The following DPP7 variants were observed in gnomAD, a reference collection of about 807,000 sequenced individuals.
DPP7 encodes dipeptidyl peptidase 7, also known as dipeptidyl peptidase 2.
In DPP7, 74 loss-of-function variants were observed where a neutral mutation model predicts 58.8. That is an observed-to-expected ratio of 1.26 (90% CI 1.04 to 1.53). The LOEUF is 1.53. DPP7 is among the 40% of genes most tolerant of loss of function. DPP7 has a pLI of 0.00. For missense variants in DPP7, 807 were observed against 692.3 expected (o/e 1.17, Z -1.86); for synonymous variants, 350 against 303.6 (o/e 1.15, Z -1.59).
Position 137,112,208 on chromosome 9 carries a change from G to T in DPP7, c.954C>A (p.Gly318=), listed in dbSNP as rs146181330. 1 of 1,602,420 alleles carries T rather than the reference G, an allele frequency of 6.2e-7. No homozygotes were observed. The change falls in exon 9 of 13, where the codon GGC becomes GGA. Residue 318 remains glycine (G), a synonymous_variant. Coordinates refer to ENST00000371579, the MANE Select transcript of DPP7 (RefSeq NM_013379.3). ...GGTAGATGTCGTAGCAGTGCTCGGA[G>T]CCCGAGGCGTTGTAGACCAGCCCTG... The part of the protein sequence containing the change: ...ALAGLVYNAS[G]SEHCYDIYRL...
At chr9:137,114,626 C>G in intron 1 of DPP7, 21 bp downstream of exon 1, 1 of 1,401,296 alleles carries the variant, frequency 7.1e-7, no homozygotes. Context: ...GGGGAATGGG[C>G]CGGGGGGCGC....
In DPP7 at chr9:137,114,216, C is replaced by CT. The variant is rs1451791215; in HGVS notation, c.321+26_321+27insA. On this transcript the variant is annotated intron_variant, in intron 3 of 12. Transcript: ENST00000371579. ...CCCGGCACCCACGTGCCCCGCGACC[C>CT]CGCCCGCGACCCCGCCCGGCACCCA... is the stretch of plus-strand genomic sequence containing the variant. 40 of 1,333,238 alleles carry CT rather than the reference C, an allele frequency of 3.0e-5. 2 individuals are homozygous for CT. In the African/African-American group the frequency reaches 6.1e-4, roughly 20 times the overall value. The allele number at this position is 1,333,238 out of a possible 1,614,324, so 82.6% of individuals were successfully genotyped here. A position where few individuals can be genotyped will look rare whatever the true frequency, so the allele number is the denominator to read the frequency against.
upstream of DPP7, among the ~76,000 whole-genome samples, chr9:137,117,648 A>G (rs1831663533): frequency 2.0e-5 from 3 of 152,060 alleles, no homozygotes; most frequent in African/African-American, 4.8e-5. Flanking sequence ...GCCACACATC[A>G]CGTCTGTGCT....
chr9:137,113,973 G>A lies in DPP7; in HGVS notation c.377C>T (p.Thr126Met). 1.9e-6 allele frequency: 3 copies of A among 1,582,232 alleles called. No homozygotes were observed. Among genetic ancestry groups the A allele is most frequent in the East Asian group, 2.3e-5 (1 of 43,466 alleles). ...GGCCTGCTCCACCGTCAGCAGCTCCGTGTGCCCGCGCTGCGTGGACTGCGC... is the reference window on the plus strand; with the variant it reads ...GGCCTGCTCCACCGTCAGCAGCTCCATGTGCCCGCGCTGCGTGGACTGCGC... The part of the protein sequence containing the change: ...FGAQSTQRGH[T>M]ELLTVEQALA... The change falls in exon 4 of 13, where the codon ACG becomes ATG. Residue 126 changes from threonine (T) to methionine (M), a missense_variant. By Grantham distance (81) the Thr-to-Met change is moderately conservative (BLOSUM62 -1). Coordinates refer to ENST00000371579, the MANE Select transcript of DPP7 (RefSeq NM_013379.3).
In DPP7 at chr9:137,112,162, C is replaced by T. The variant is rs746422207; in HGVS notation, c.1000G>A (p.Asp334Asn). The T allele has an allele frequency of 1.2e-6, 2 of 1,609,564 alleles. No individual in the cohort carries two copies. The highest frequency in any genetic ancestry group is 8.5e-7 in the Non-Finnish European group (1 of 1,179,704). The change falls in exon 9 of 13, where the codon GAC becomes AAC. Residue 334 changes from aspartate to asparagine, a missense_variant. By Grantham distance (23) the Asp-to-Asn change is conservative (BLOSUM62 1). This residue lies in a region of DPP7 where 624 missense variants were observed against 531.2 expected (regional missense o/e 1.17). Transcript: ENST00000371579. ...DIYRLYHSCA[D>N]PTGCGTGPDA... is the part of the protein sequence containing the mutation. The stretch of plus-strand genomic sequence containing the variant: ...GGGCCGGTGCCGCAGCCAGTGGGGT[C>T]AGCACAGCTGTGGTAGAGCCGGTAG...
chr9:137,116,628 C>T (rs544997473), upstream of DPP7, among the ~76,000 whole-genome samples: 5 of 152,170 alleles, frequency 3.3e-5, no homozygotes, highest in South Asian at 2.1e-4. Context: ...GATATGGCCT[C>T]GTGGGAAGGG....
In DPP7 at chr9:137,114,631, G is replaced by A. The variant is rs1227636661; in HGVS notation, c.67+16C>T. 5.0e-6 allele frequency: 7 copies of A among 1,400,174 alleles called. No homozygotes were observed. Among genetic ancestry groups the A allele is most frequent in the Non-Finnish European group, 5.6e-6 (6 of 1,077,642 alleles). 86.7% of individuals were successfully genotyped at this position (1,400,174 alleles called of 1,614,324 possible). A position where few individuals can be genotyped will look rare whatever the true frequency, so the allele number is the denominator to read the frequency against. On this transcript the variant is annotated intron_variant, in intron 1 of 12. Transcript: ENST00000371579. The stretch of plus-strand genomic sequence containing the variant: ...GGCCGGGACCGGGGAATGGGCCGGG[G>A]GGCGCCGCCACTCACCCCCCGCCTG...
Position 137,112,204 on chromosome 9 carries a change from C to G in DPP7, c.958G>C (p.Glu320Gln), listed in dbSNP as rs766273924. ...AGCCGGTAGATGTCGTAGCAGTGCT[C>G]GGAGCCCGAGGCGTTGTAGACCAGC... is the stretch of plus-strand genomic sequence containing the variant. ...AGLVYNASGS[E>Q]HCYDIYRLYH... The change falls in exon 9 of 13, where the codon GAG becomes CAG. Residue 320 changes from glutamate (E) to glutamine (Q), a missense_variant. Physicochemically the swap from Glu to Gln is conservative, Grantham distance 29. This residue lies in a region of DPP7 where 624 missense variants were observed against 531.2 expected (regional missense o/e 1.17). Transcript: ENST00000371579. 2.5e-6 allele frequency: 4 copies of G among 1,603,452 alleles called. No homozygotes were observed. The highest frequency in any genetic ancestry group is 2.2e-5 in the South Asian group (2 of 90,932).
chr9:137,114,298 G>C lies in DPP7; in HGVS notation c.266C>G (p.Ala89Gly), dbSNP rs10747049. Residue 89 changes from alanine (A) to glycine (G), a missense_variant, in exon 3 of 13, where the codon GCC becomes GGC. This residue lies in a region of DPP7 where 168 missense variants were observed against 124.1 expected (regional missense o/e 1.35). Coordinates refer to ENST00000371579, the MANE Select transcript of DPP7 (RefSeq NM_013379.3). ...GDVWAFANNS[A>G]FVAELAAERG... Reference sequence around the variant, plus strand: ...CTCGGCCGCCAGCTCCGCGACGAAGGCCGAGTTGTTGGCGAAGGCCCACAC... The same window carrying C: ...CTCGGCCGCCAGCTCCGCGACGAAGCCCGAGTTGTTGGCGAAGGCCCACAC... The C allele has an allele frequency of 0.69, 468,704 of 676,068 alleles. 178,849 individuals carry two copies. The highest frequency in any genetic ancestry group is 0.95 in the African/African-American group (47,532 of 49,984). 41.9% of individuals were successfully genotyped at this position (676,068 alleles called of 1,614,324 possible). A position where few individuals can be genotyped will look rare whatever the true frequency, so the allele number is the denominator to read the frequency against.
Position 137,110,633 on chromosome 9 carries a change from C to G in DPP7, c.*15G>C. On this transcript the variant is annotated 3_prime_UTR_variant, in exon 13 of 13. Transcript: ENST00000371579. ...CCACTCCATGAGGAGCCTTGAGACC[C>G]CTCCAGTCCTGTGCTCAGAGGCTGA... 1 of 1,606,586 alleles carries G rather than the reference C, an allele frequency of 6.2e-7. No individual in the cohort carries two copies. Among genetic ancestry groups the G allele is most frequent in the Non-Finnish European group, 8.5e-7 (1 of 1,177,926 alleles).
chr9:137,110,742 C>T lies in DPP7; in HGVS notation c.1385G>A (p.Arg462Gln), dbSNP rs374355556. 2.0e-5 allele frequency: 32 copies of T among 1,606,890 alleles called. No individual in the cohort carries two copies. Among genetic ancestry groups the T allele is most frequent in the African/African-American group, 1.2e-4 (9 of 74,996 alleles). ...PEDPASVVEARKLEATIIGEW... is the reference protein window; with the variant it reads ...PEDPASVVEAQKLEATIIGEW... ...GCCGATGATGGTGGCCTCCAGCTTCCGCGCCTCAACCACGGAAGCAGGATC... is the reference window on the plus strand; with the variant it reads ...GCCGATGATGGTGGCCTCCAGCTTCTGCGCCTCAACCACGGAAGCAGGATC... Residue 462 changes from arginine to glutamine, a missense_variant, in exon 13 of 13, where the codon CGG (arginine) becomes CAG (glutamine). By Grantham distance (43) the Arg-to-Gln change is conservative. Coordinates refer to ENST00000371579, the MANE Select transcript of DPP7 (RefSeq NM_013379.3).
intron 4 of DPP7, 151 bp from the exon 5 acceptor site, chr9:137,113,647 G>A: frequency 1.4e-6 from 2 of 1,428,724 alleles, no homozygotes; most frequent in Non-Finnish European, 1.8e-6. Flanking sequence ...GCTCTCACTG[G>A]GAAAGGCCGC....
At chr9:137,115,939 C>T (rs959863676), upstream of DPP7, among the ~76,000 whole-genome samples, 3 of 152,072 alleles carry the variant, frequency 2.0e-5, no homozygotes, top group Admixed American at 6.5e-5. Context: ...ACGGCGTCCC[C>T]CACCCCACAC....
At chr9:137,112,601 G>A in intron 8 of DPP7, 144 bp downstream of exon 8, 2 of 998,340 alleles carry the variant, frequency 2.0e-6, no homozygotes, top group Non-Finnish European at 1.5e-6. Context: ...TTTCTGGGAA[G>A]GTCGTGCTGT....
rs916095987 is a variant in DPP7 at position 137,111,954 on chromosome 9, C to A, written c.1126G>T (p.Glu376Ter). 6.2e-7 allele frequency: 1 copy of A among 1,612,976 alleles called. No individual in the cohort carries two copies. ...TCCAGGCAGTACCGCTGGCGGAGCT[C>A]GTCAGTGAAGGGCAGGTCCGGGAAC... ...DMFPDLPFTD[E>*]LRQRYCLDTW... Residue 376 changes from glutamate to a stop codon, truncating the protein, a stop_gained, in exon 10 of 13, where the codon GAG (glutamate) becomes TAG (stop). Transcript: ENST00000371579. LOFTEE classifies it high-confidence loss of function.
chr9:137,116,467 A>C (rs895548862), upstream of DPP7, among the ~76,000 whole-genome samples: 1 of 152,240 alleles, frequency 6.6e-6, no homozygotes, highest in Non-Finnish European at 1.5e-5. Context: ...CTTTGTTAAC[A>C]ATGTGTTTGC....
At chr9:137,111,003 C>A in intron 11 of DPP7, 53 bp from the exon 12 acceptor site, 2 of 1,551,844 alleles carry the variant, frequency 1.3e-6, no homozygotes, top group East Asian at 2.3e-5. Context: ...AACTGCCCAG[C>A]CTCCGTGGGC....
At chr9:137,113,757 C>T (rs1375482444) in intron 4 of DPP7, 108 bp downstream of exon 4, 1 of 1,395,380 alleles carries the variant, frequency 7.2e-7, no homozygotes. Context: ...TGCCTGAGGC[C>T]TTACGAAAAG....
chr9:137,112,356 G>A (rs1488493233), intron 8 of DPP7, 126 bp from the exon 9 acceptor site: 2 of 799,948 alleles, frequency 2.5e-6, no homozygotes, highest in East Asian at 5.4e-5. Flanking sequence ...GTAGGTCCCA[G>A]TGAGGAAGGC....
Sources: allele counts gnomAD v4.1 joint callset (sites outside exome capture counted in the v4.1 genomes callset), GRCh38; gene constraint gnomAD v4.1.1; regional missense constraint gnomAD v4.1.1; transcripts MANE v1.5; gene names NCBI Gene and HGNC (gene_info 2026-07-23, HGNC 2026-07-21).